VAMP3: variants seen among roughly 807,000 people sequenced by gnomAD.
The protein encoded by VAMP3 is vesicle associated membrane protein 3.
In VAMP3, 11 loss-of-function variants were observed where a neutral mutation model predicts 18.1. The ratio of observed to expected loss-of-function variants is 0.61; its 90% CI spans 0.38 to 1.00. VAMP3 has a LOEUF of 1.00. Ranked by LOEUF, VAMP3 falls within the 50% of genes least tolerant of loss-of-function variation. The pLI is 0.01. For missense variants in VAMP3, 122 were observed against 127.3 expected, an observed-to-expected ratio of 0.96 and a Z score of 0.20; for synonymous variants, 49 against 43.1, an observed-to-expected ratio of 1.14 and a Z score of -0.53.
chr1:7,776,972 G>A, intron 2 of VAMP3, 188 bp from the exon 3 acceptor site: 1 of 474,128 alleles, frequency 2.1e-6, no homozygotes, highest in Non-Finnish European at 3.5e-6. Flanking sequence ...CCTCCCGGCT[G>A]ATTTTCTTAT....
At chr1:7,778,403 C>T (rs914571412) in intron 4 of VAMP3, among the ~76,000 whole-genome samples, 3 of 152,018 alleles carry the variant, frequency 2.0e-5, no homozygotes, top group Admixed American at 2.0e-4. Context: ...CATGGTAGTG[C>T]ACACCTGTAA....
At chr1:7,771,993 G>A (rs189463365) in intron 1 of VAMP3, among the ~76,000 whole-genome samples, 149 of 152,300 alleles carry the variant, frequency 9.8e-4, no homozygotes, top group African/African-American at 3.4e-3. Context: ...ATTGCTCACC[G>A]TCGGAGGAAG....
chr1:7,775,492 C>T (rs1407871305), intron 2 of VAMP3, among the ~76,000 whole-genome samples: 4 of 152,026 alleles, frequency 2.6e-5, no homozygotes, highest in East Asian at 3.9e-4. Flanking sequence ...GGATTACAGG[C>T]GCCCGCCACC....
At chr1:7,772,960 C>G (rs1391347435) in intron 1 of VAMP3, 3 of 152,900 alleles carry the variant, frequency 2.0e-5, no homozygotes, top group Admixed American at 2.0e-4. Context: ...CCTTTCCACT[C>G]ACACCACCCA....
In VAMP3 at chr1:7,773,469, C is replaced by T. The variant is rs1206300975; in HGVS notation, c.30C>T (p.Gly10=). ...CTACAGGTCCAACTGCTGCCACTGGCAGTAATCGAAGACTTCAGCAGACAC... is the reference window on the plus strand; with the variant it reads ...CTACAGGTCCAACTGCTGCCACTGGTAGTAATCGAAGACTTCAGCAGACAC... MSTGPTAAT[G]SNRRLQQTQN... Residue 10 remains glycine, a synonymous_variant, in exon 2 of 5, where the codon GGC becomes GGT. Coordinates refer to ENST00000054666, the MANE Select transcript of VAMP3 (RefSeq NM_004781.4). The T allele has an allele frequency of 1.2e-6, 2 of 1,614,048 alleles. No individual in the cohort carries two copies. Among genetic ancestry groups the T allele is most frequent in the South Asian group, 2.2e-5 (2 of 91,068 alleles).
rs1283472956 is a variant in VAMP3, at chr1:7,780,569, G to C, written c.*924G>C. 1.3e-5 allele frequency: 2 copies of C among 152,386 alleles called. No homozygotes were observed. The highest frequency in any genetic ancestry group is 2.9e-5 in the Non-Finnish European group (2 of 68,046). 9.4% of individuals were successfully genotyped at this position (152,386 alleles called of 1,614,324 possible). A position where few individuals can be genotyped will look rare whatever the true frequency, so the allele number is the denominator to read the frequency against. The stretch of plus-strand genomic sequence containing the variant: ...GGTAGACTCTGACCGTCTCATAAAA[G>C]AGTTCTACCCAGCAGTTGGCAGATT... On this transcript the variant is annotated 3_prime_UTR_variant, in exon 5 of 5. Transcript: ENST00000054666.
At chr1:7,775,119 T>C (rs2097053607) in intron 2 of VAMP3, among the ~76,000 whole-genome samples, 1 of 152,250 alleles carries the variant, frequency 6.6e-6, no homozygotes, top group Admixed American at 6.5e-5. Flanking sequence ...TTCATTTGCG[T>C]TTCTCTAATG....
At chr1:7,775,928 G>T (rs973504059) in intron 2 of VAMP3, among the ~76,000 whole-genome samples, 3 of 152,184 alleles carry the variant, frequency 2.0e-5, no homozygotes, top group African/African-American at 4.8e-5. Context: ...ACTGTTTATT[G>T]AAAAGACTGT....
chr1:7,773,218 A>T, intron 1 of VAMP3: 1 of 536,456 alleles, frequency 1.9e-6, no homozygotes, highest in Non-Finnish European at 3.4e-6. Context: ...ATTAAAGCTT[A>T]ACATTTGTCC....
At chr1:7,779,563 G>A (rs373587190) in intron 4 of VAMP3, 63 bp from the exon 5 acceptor site, 4 of 1,610,556 alleles carry the variant, frequency 2.5e-6, no homozygotes, top group African/African-American at 2.7e-5. Context: ...GTTGGCTTGG[G>A]ATTCACACTG....
At chr1:7,777,123 T>G (rs772350741) in intron 2 of VAMP3, 37 bp from the exon 3 acceptor site, 1 of 1,574,530 alleles carries the variant, frequency 6.4e-7, no homozygotes, top group South Asian at 1.2e-5. Context: ...GTTCCTCCAT[T>G]CTTTGTGCAT....
rs763280032 is a variant in VAMP3 at position 7,771,341 on chromosome 1, C to T, written c.-43C>T. 1 of 1,593,784 alleles carries T rather than the reference C, an allele frequency of 6.3e-7. No homozygotes were observed. The highest frequency in any genetic ancestry group is 1.1e-5 in the South Asian group (1 of 89,944). On this transcript the variant is annotated 5_prime_UTR_variant, in exon 1 of 5. Transcript: ENST00000054666. ...CTCCGGTCCCAACTTCGCTTCTCTG[C>T]TGACCCTCTCTCGTCGCCGCTGCCG...
At chr1:7,779,268 T>C (rs977184659) in intron 4 of VAMP3, among the ~76,000 whole-genome samples, 1 of 152,124 alleles carries the variant, frequency 6.6e-6, no homozygotes, top group African/African-American at 2.4e-5. Context: ...AAATAATAGC[T>C]ATATAAATAA....
chr1:7,778,533 CAA>C (rs888114639), intron 4 of VAMP3, among the ~76,000 whole-genome samples: 1 of 136,548 alleles, frequency 7.3e-6, no homozygotes. Context: ...GACCTTTTCT[CAA>C]AAAAAAAAAA....
rs188567051 is a variant in VAMP3 at position 7,773,292 on chromosome 1, C to T, written c.3-150C>T. Reference sequence around the variant, plus strand: ...TTAGAAGAAATGCAATTAAAACTTTCGTTCATTGCTTCAGGAAGAATTTCT... The same window carrying T: ...TTAGAAGAAATGCAATTAAAACTTTTGTTCATTGCTTCAGGAAGAATTTCT... On this transcript the variant is annotated intron_variant, in intron 1 of 4. Coordinates refer to ENST00000054666, the MANE Select transcript of VAMP3 (RefSeq NM_004781.4). 22 of 623,388 alleles carry T rather than the reference C, an allele frequency of 3.5e-5. No homozygotes were observed. In the Admixed American group the frequency reaches 5.4e-4, roughly 15 times the overall value. The allele number at this position is 623,388 out of a possible 1,614,324, so 38.6% of individuals were successfully genotyped here. A position where few individuals can be genotyped will look rare whatever the true frequency, so the allele number is the denominator to read the frequency against.
At position 7,780,356 on chromosome 1, in the gene VAMP3, G is replaced by A. The variant is rs2097056479; in HGVS notation, c.*711G>A. The A allele has an allele frequency of 6.5e-6, 1 of 152,800 alleles. No homozygotes were observed. 9.5% of individuals were successfully genotyped at this position (152,800 alleles called of 1,614,324 possible). On this transcript the variant is annotated 3_prime_UTR_variant, in exon 5 of 5. Coordinates refer to ENST00000054666, the MANE Select transcript of VAMP3 (RefSeq NM_004781.4). ...TTAAATACCGATAAAATGGCCTTAA[G>A]TGTATTCCTGACAGTTAAATTCAGA...
rs2097052480 is a variant in VAMP3, at chr1:7,773,483, T to G, written c.44T>G (p.Leu15Arg). Residue 15 changes from leucine to arginine, a missense_variant, in exon 2 of 5, where the codon CTT becomes CGT. Leu to Arg is a moderately radical substitution (Grantham distance 102, BLOSUM62 -2). Coordinates refer to ENST00000054666, the MANE Select transcript of VAMP3 (RefSeq NM_004781.4). ...GCTGCCACTGGCAGTAATCGAAGAC[T>G]TCAGCAGACACAAAATCAAGTAGAT... ...PTAATGSNRR[L>R]QQTQNQVDEV... 1 of 1,614,124 alleles carries G rather than the reference T, an allele frequency of 6.2e-7. No individual in the cohort carries two copies. The highest frequency in any genetic ancestry group is 2.2e-5 in the East Asian group (1 of 44,866).
At chr1:7,776,760 T>C (rs1302690527) in intron 2 of VAMP3, 1 of 155,356 alleles carries the variant, frequency 6.4e-6, no homozygotes, top group East Asian at 1.9e-4. Flanking sequence ...AGTAATAAAG[T>C]GCTGACCTGA....
chr1:7,775,719 T>C (rs2097054017), intron 2 of VAMP3, among the ~76,000 whole-genome samples: 1 of 152,274 alleles, frequency 6.6e-6, no homozygotes, highest in South Asian at 2.1e-4. Flanking sequence ...TTCCTTTTGT[T>C]GTTCTTGATT....
Sources: allele counts gnomAD v4.1 joint callset (sites outside exome capture counted in the v4.1 genomes callset), GRCh38; gene constraint gnomAD v4.1.1; transcripts MANE v1.5; gene names NCBI Gene and HGNC (gene_info 2026-07-23, HGNC 2026-07-21).